SENP7: variants seen among roughly 807,000 people sequenced by gnomAD.
SENP7 encodes the protein SUMO specific peptidase 7.
SENP7 carries 64 observed loss-of-function variants against 141.2 expected under a neutral mutation model. That is an observed-to-expected ratio of 0.45 (90% confidence interval 0.37 to 0.56). SENP7 has a LOEUF of 0.56. Ranked by LOEUF, SENP7 falls within the 20% of genes least tolerant of loss-of-function variation. The probability of loss-of-function intolerance (pLI) is 0.00; values close to 1 mark genes in which losing one functional copy is unlikely to be tolerated. For synonymous variants in SENP7, 382 were observed against 426.4 expected (o/e 0.90, Z 1.28); for missense variants, 1,025 against 1,212.2 (o/e 0.85, Z 2.29).
intron 4 of SENP7, among the ~76,000 whole-genome samples, chr3:101,446,741 T>A (rs6783977): frequency 0.4 from 60,363 of 151,826 alleles, 12,512 homozygotes; most frequent in Admixed American, 0.54. Flanking sequence ...AAACACAACA[T>A]ACCAAAACTA....
chr3:101,429,487 G>A (rs531992625), intron 4 of SENP7, among the ~76,000 whole-genome samples: 2 of 151,458 alleles, frequency 1.3e-5, no homozygotes, highest in African/African-American at 4.8e-5. Flanking sequence ...TGATTTGGCT[G>A]TTTATCAGTT....
At chr3:101,381,661 G>A (rs1178011983) in intron 6 of SENP7, among the ~76,000 whole-genome samples, 1 of 152,036 alleles carries the variant, frequency 6.6e-6, no homozygotes, top group African/African-American at 2.4e-5. Context: ...TAATGCAAAT[G>A]TTCAAGAGTT....
intron 4 of SENP7, among the ~76,000 whole-genome samples, chr3:101,438,605 T>C (rs1005878682): frequency 6.6e-6 from 1 of 152,198 alleles, no homozygotes; most frequent in Non-Finnish European, 1.5e-5. Flanking sequence ...AAAAAAACTT[T>C]AGAGTCTTAA....
chr3:101,386,954 G>T (rs564095921), intron 6 of SENP7, among the ~76,000 whole-genome samples: 1 of 152,154 alleles, frequency 6.6e-6, no homozygotes, highest in Non-Finnish European at 1.5e-5. Context: ...CCCTGCCAAC[G>T]CCACCAATGT....
chr3:101,345,800 GGAACTA>G (rs1219385002), intron 13 of SENP7, among the ~76,000 whole-genome samples: 2 of 152,090 alleles, frequency 1.3e-5, no homozygotes, highest in Non-Finnish European at 2.9e-5. Flanking sequence ...TCTATGACAT[GGAACTA>G]TAAAAATTCT....
chr3:101,415,498 A>T (rs2061589262), intron 5 of SENP7, among the ~76,000 whole-genome samples: 1 of 152,194 alleles, frequency 6.6e-6, no homozygotes, highest in South Asian at 2.1e-4. Context: ...GTAAAAGAGG[A>T]GCAGTTGGCT....
intron 3 of SENP7, among the ~76,000 whole-genome samples, chr3:101,482,340 C>T (rs2064527665): frequency 6.6e-6 from 1 of 151,296 alleles, no homozygotes; most frequent in Non-Finnish European, 1.5e-5. Flanking sequence ...GAAAGAAATA[C>T]TTTGGTATAA....
At chr3:101,330,283 T>C in intron 20 of SENP7, 51 bp downstream of exon 20, 2 of 1,323,462 alleles carry the variant, frequency 1.5e-6, no homozygotes, top group Non-Finnish European at 2.2e-6. Flanking sequence ...CAGATAACAT[T>C]ATTATATTCA....
intron 6 of SENP7, among the ~76,000 whole-genome samples, chr3:101,394,125 T>A (rs2060894109): frequency 1.3e-5 from 2 of 152,132 alleles, no homozygotes; most frequent in African/African-American, 4.8e-5. Flanking sequence ...CTTCCCAGCC[T>A]CTAGTGTTTA....
intron 12 of SENP7, among the ~76,000 whole-genome samples, chr3:101,348,635 T>C (rs993842885): frequency 6.6e-6 from 1 of 152,058 alleles, no homozygotes; most frequent in Non-Finnish European, 1.5e-5. Context: ...CTCAAGAAAA[T>C]TAGGAGGTTC....
rs1249607788 is a variant in SENP7, at chr3:101,327,914, C to T, written c.2865-98G>A. ...GGAAAAACATTTGTTGCCAGATGTG[C>T]TGTCTCAAGCCAAATTTCCACACTG... On this transcript the variant is annotated intron_variant, in intron 22 of 23. Coordinates refer to ENST00000394095, the MANE Select transcript of SENP7 (RefSeq NM_020654.5). 5 of 958,344 alleles carry T rather than the reference C, an allele frequency of 5.2e-6. No individual in the cohort carries two copies. The East Asian group carries it at 1.4e-4, about 27-fold the overall frequency. The allele number at this position is 958,344 out of a possible 1,614,324, so 59.4% of individuals were successfully genotyped here. A position where few individuals can be genotyped will look rare whatever the true frequency, so the allele number is the denominator to read the frequency against.
At chr3:101,354,079 C>T (rs530034015) in intron 11 of SENP7, among the ~76,000 whole-genome samples, 3 of 152,028 alleles carry the variant, frequency 2.0e-5, no homozygotes, top group African/African-American at 7.2e-5. Flanking sequence ...ATTCATTATA[C>T]TTAAAATTTT....
intron 5 of SENP7, among the ~76,000 whole-genome samples, chr3:101,404,266 C>T (rs550150182): frequency 6.6e-6 from 1 of 152,064 alleles, no homozygotes; most frequent in Non-Finnish European, 1.5e-5. Flanking sequence ...AGTAATACTA[C>T]ACACCTACAA....
chr3:101,447,633 C>T (rs1262245659), intron 4 of SENP7, among the ~76,000 whole-genome samples: 1 of 152,050 alleles, frequency 6.6e-6, no homozygotes, highest in Non-Finnish European at 1.5e-5. Context: ...AATCTGAACA[C>T]AGTATTGTTA....
intron 4 of SENP7, among the ~76,000 whole-genome samples, chr3:101,430,216 A>G (rs995910738): frequency 6.6e-6 from 1 of 152,128 alleles, no homozygotes; most frequent in Non-Finnish European, 1.5e-5. Flanking sequence ...TGAGTTAGGG[A>G]GATTTTCCTC....
intron 4 of SENP7, among the ~76,000 whole-genome samples, chr3:101,435,937 T>C (rs1290150493): frequency 2.6e-5 from 4 of 152,086 alleles, no homozygotes; most frequent in Non-Finnish European, 5.9e-5. Context: ...AAAATTTATA[T>C]GGAACCACAA....
intron 12 of SENP7, among the ~76,000 whole-genome samples, chr3:101,348,293 T>C (rs1294870287): frequency 1.3e-5 from 2 of 152,084 alleles, no homozygotes; most frequent in Non-Finnish European, 2.9e-5. Flanking sequence ...TAAATGACAA[T>C]TAAATAGAGA....
chr3:101,436,610 A>G (rs1044451248), intron 4 of SENP7, among the ~76,000 whole-genome samples: 2 of 152,194 alleles, frequency 1.3e-5, no homozygotes, highest in East Asian at 1.9e-4. Context: ...AAAAATAGGC[A>G]AAAGATTTGA....
intron 1 of SENP7, among the ~76,000 whole-genome samples, chr3:101,509,475 C>A (rs2065762411): frequency 6.6e-6 from 1 of 152,188 alleles, no homozygotes; most frequent in African/African-American, 2.4e-5. Context: ...GAACCTGTCA[C>A]AATCCTAATC....
Sources: allele counts gnomAD v4.1 joint callset (sites outside exome capture counted in the v4.1 genomes callset), GRCh38; gene constraint gnomAD v4.1.1; transcripts MANE v1.5; gene names NCBI Gene and HGNC (gene_info 2026-07-23, HGNC 2026-07-21).